The following MBOAT2 variants were observed in gnomAD, a reference collection of about 807,000 sequenced individuals.
MBOAT2 encodes the protein membrane-bound glycerophospholipid O-acyltransferase 2.
In MBOAT2, 28 loss-of-function variants were observed where a neutral mutation model predicts 63.4. The observed-to-expected ratio is 0.44, with a 90% CI of 0.33 to 0.61. MBOAT2 has a LOEUF of 0.61. Among genes scored for constraint, MBOAT2 ranks in the 20% least tolerant of loss-of-function variants. The pLI is 0.03. For missense variants in MBOAT2, 470 were observed against 605.8 expected, an observed-to-expected ratio of 0.78 and a Z score of 2.35; for synonymous variants, 211 against 215.6, an observed-to-expected ratio of 0.98 and a Z score of 0.19.
chr2:8,951,880 G>A (rs1417724359), intron 2 of MBOAT2, among the ~76,000 whole-genome samples: 1 of 151,966 alleles, frequency 6.6e-6, no homozygotes, highest in Non-Finnish European at 1.5e-5. Context: ...ACAAACTTTT[G>A]GTTTTATTGA....
At chr2:8,981,412 G>C (rs191211880) in intron 1 of MBOAT2, among the ~76,000 whole-genome samples, 2 of 152,284 alleles carry the variant, frequency 1.3e-5, no homozygotes, top group East Asian at 3.9e-4. Context: ...AAATATGTCT[G>C]ATCAAGATGA....
Position 8,992,118 on chromosome 2 carries a change from T to G in MBOAT2, c.75+11422A>C, listed in dbSNP as rs532768894. Among the ~76,000 whole-genome samples, 11 of 152,372 alleles carry G rather than the reference T, an allele frequency of 7.2e-5. No homozygotes were observed. In the South Asian group the frequency reaches 2.1e-3, roughly 29 times the overall value. On this transcript the variant is annotated intron_variant, in intron 1 of 12. Coordinates refer to ENST00000305997, the MANE Select transcript of MBOAT2 (RefSeq NM_138799.4). ...TTGTTGATAAAATGTACTTCCGGTCTCAAGTCATTTTCTGTCTATACAATT... is the reference window on the plus strand; with the variant it reads ...TTGTTGATAAAATGTACTTCCGGTCGCAAGTCATTTTCTGTCTATACAATT...
In MBOAT2 at chr2:8,862,514, G is replaced by C. The variant is rs1327451250; in HGVS notation, c.1185+76C>G. Reference sequence around the variant, plus strand: ...CGACCAAGGAAAGAGGGTCTACCTTGTAAGAGAGATGTACTCAGCCTTTTT... The same window carrying C: ...CGACCAAGGAAAGAGGGTCTACCTTCTAAGAGAGATGTACTCAGCCTTTTT... On this transcript the variant is annotated intron_variant, in intron 11 of 12. Coordinates refer to ENST00000305997, the MANE Select transcript of MBOAT2 (RefSeq NM_138799.4). The surrounding 1 kb of genome is among the most constrained non-coding windows in gnomAD (Gnocchi z 4.3). The C allele has an allele frequency of 4.0e-6, 6 of 1,516,450 alleles. No homozygotes were observed. Among genetic ancestry groups the C allele is most frequent in the Non-Finnish European group, 5.4e-6 (6 of 1,117,630 alleles). The allele number at this position is 1,516,450 out of a possible 1,614,324, so 93.9% of individuals were successfully genotyped here. A position where few individuals can be genotyped will look rare whatever the true frequency, so the allele number is the denominator to read the frequency against.
chr2:8,863,941 G>C (rs1434455689), intron 10 of MBOAT2, among the ~76,000 whole-genome samples: 2 of 152,192 alleles, frequency 1.3e-5, no homozygotes, highest in African/African-American at 2.4e-5. Context: ...AGGCTTGAGA[G>C]GGCAGGATAG....
chr2:8,931,359 G>A (rs1161309489), intron 3 of MBOAT2, among the ~76,000 whole-genome samples: 2 of 152,060 alleles, frequency 1.3e-5, no homozygotes, highest in African/African-American at 4.8e-5. Flanking sequence ...GAAGCATGGT[G>A]CTGACATCTG....
At chr2:8,985,895 C>T (rs77100008) in intron 1 of MBOAT2, among the ~76,000 whole-genome samples, 13,190 of 152,152 alleles carry the variant, frequency 0.087, 972 homozygotes, top group African/African-American at 0.2. Context: ...CAGCTTACCC[C>T]TATGCATAGG....
chr2:8,990,526 A>G (rs1292528696), intron 1 of MBOAT2, among the ~76,000 whole-genome samples: 2 of 152,138 alleles, frequency 1.3e-5, no homozygotes, highest in Non-Finnish European at 2.9e-5. Flanking sequence ...ACCCAATGAA[A>G]TATTCATTTA....
chr2:8,905,101 G>T (rs1005546292), intron 4 of MBOAT2, among the ~76,000 whole-genome samples: 8 of 152,130 alleles, frequency 5.3e-5, no homozygotes, highest in African/African-American at 1.9e-4. Context: ...TCTGGGCTTT[G>T]CTTCTTGCAC....
chr2:8,876,909 A>T, intron 7 of MBOAT2, 121 bp downstream of exon 7: 1 of 984,920 alleles, frequency 1.0e-6, no homozygotes, highest in Non-Finnish European at 1.5e-6. Context: ...GAAGTTATTT[A>T]TCTTGAAAAG....
chr2:8,973,210 T>C (rs1325601853), intron 1 of MBOAT2, among the ~76,000 whole-genome samples: 1 of 152,180 alleles, frequency 6.6e-6, no homozygotes, highest in African/African-American at 2.4e-5. Flanking sequence ...TGAGTTCATG[T>C]CCTTTGTGGG....
In MBOAT2 at chr2:8,877,344, A is replaced by G. The variant is rs1031410855; in HGVS notation, c.507-131T>C. 21 of 858,670 alleles carry G rather than the reference A, an allele frequency of 2.4e-5. No homozygotes were observed. In the African/African-American group the frequency reaches 2.7e-4, roughly 11 times the overall value. The allele number at this position is 858,670 out of a possible 1,614,324, so 53.2% of individuals were successfully genotyped here. On this transcript the variant is annotated intron_variant, in intron 6 of 12. Transcript: ENST00000305997. ...TTTCATTTTCATTTGTACCCATACA[A>G]TAAGAATTTTAAGGATCAGAACATA...
chr2:8,873,092 T>C lies in MBOAT2; in HGVS notation c.883+16A>G. ...CTTCAACCAGACACAGGGAAATCTATTTACATGTTACTTACCTAGCGTCCA... is the reference window on the plus strand; with the variant it reads ...CTTCAACCAGACACAGGGAAATCTACTTACATGTTACTTACCTAGCGTCCA... On this transcript the variant is annotated intron_variant, in intron 8 of 12. Transcript: ENST00000305997. 1 of 1,609,836 alleles carries C rather than the reference T, an allele frequency of 6.2e-7. No individual in the cohort carries two copies. The highest frequency in any genetic ancestry group is 8.5e-7 in the Non-Finnish European group (1 of 1,176,744).
intron 7 of MBOAT2, among the ~76,000 whole-genome samples, chr2:8,875,521 T>C (rs1037426623): frequency 6.6e-6 from 1 of 152,222 alleles, no homozygotes; most frequent in Non-Finnish European, 1.5e-5. Flanking sequence ...TTGATCTTCA[T>C]ACAGTCTGTA....
rs1661245244 is a variant in MBOAT2 at position 8,858,340 on chromosome 2, A to G, written c.*339T>C. The stretch of plus-strand genomic sequence containing the variant: ...AAAAGTTAATTTCTCTCTATCATCC[A>G]GATTGACACGATTATTTTTCCACCT... On this transcript the variant is annotated 3_prime_UTR_variant, in exon 13 of 13. Transcript: ENST00000305997. 9.7e-6 allele frequency: 2 copies of G among 206,058 alleles called. No homozygotes were observed. Among genetic ancestry groups the G allele is most frequent in the South Asian group, 3.0e-4 (2 of 6,718 alleles). 12.8% of individuals were successfully genotyped at this position (206,058 alleles called of 1,614,324 possible). A position where few individuals can be genotyped will look rare whatever the true frequency, so the allele number is the denominator to read the frequency against.
rs1553362525 is a variant in MBOAT2, at chr2:8,912,420, G to GA, written c.300-3705_300-3704insT. 4.0e-4 allele frequency among the ~76,000 whole-genome samples: 53 copies of GA among 130,932 alleles called. 1 individual carries two copies. The highest frequency in any genetic ancestry group is 6.1e-4 in the Non-Finnish European group (37 of 60,180). 85.9% of individuals were successfully genotyped at this position (130,932 alleles called of 152,430 possible). On this transcript the variant is annotated intron_variant, in intron 3 of 12. Coordinates refer to ENST00000305997, the MANE Select transcript of MBOAT2 (RefSeq NM_138799.4). ...GAAAGAAAGAAAGAAAGAAAGACAG[G>GA]CCGGCCGGCCTTGAAAACCCTAAGG... is the stretch of plus-strand genomic sequence containing the variant.
At chr2:8,949,960 G>T (rs1668709698) in intron 2 of MBOAT2, among the ~76,000 whole-genome samples, 1 of 152,124 alleles carries the variant, frequency 6.6e-6, no homozygotes, top group South Asian at 2.1e-4. Context: ...AAGCTGAGAG[G>T]TTTTTCCATT....
Position 8,864,254 on chromosome 2 carries a change from TTTTC to T in MBOAT2, c.988-24_988-21del, listed in dbSNP as rs750048011. On this transcript the variant is annotated intron_variant, in intron 9 of 12. Coordinates refer to ENST00000305997, the MANE Select transcript of MBOAT2 (RefSeq NM_138799.4). ...TGACATCTGAAAAAAAAGGAAACTT[TTTTC>T]TTTGTGTCACAAAATAATGAAGCTT... 21 of 1,489,370 alleles carry T rather than the reference TTTTC, an allele frequency of 1.4e-5. No homozygotes were observed. The highest frequency in any genetic ancestry group is 1.8e-5 in the Non-Finnish European group (20 of 1,101,400). The allele number at this position is 1,489,370 out of a possible 1,614,324, so 92.3% of individuals were successfully genotyped here.
At chr2:8,869,909 A>T (rs977091550) in intron 8 of MBOAT2, among the ~76,000 whole-genome samples, 2 of 152,178 alleles carry the variant, frequency 1.3e-5, no homozygotes, top group African/African-American at 4.8e-5. Context: ...TGAAACTCCT[A>T]ACCAACTTCA....
chr2:8,904,971 G>GT (rs1335119160), intron 4 of MBOAT2, among the ~76,000 whole-genome samples: 3 of 151,984 alleles, frequency 2.0e-5, no homozygotes, highest in Admixed American at 1.3e-4. Flanking sequence ...CATTTTAAAT[G>GT]TATCTTAAAC....
Sources: allele counts gnomAD v4.1 joint callset (sites outside exome capture counted in the v4.1 genomes callset), GRCh38; gene constraint gnomAD v4.1.1; non-coding constraint Gnocchi (gnomAD v3.1); transcripts MANE v1.5; gene names NCBI Gene and HGNC (gene_info 2026-07-23, HGNC 2026-07-21).